Variants in TXN2 observed in about 807,000 individuals in gnomAD.
TXN2 encodes the protein thioredoxin, mitochondrial.
A neutral mutation model predicts 14.6 loss-of-function variants in TXN2; 12 were observed. That is an observed-to-expected ratio of 0.82 (90% CI 0.53 to 1.33). The LOEUF is 1.33. Among genes scored for constraint, TXN2 ranks in the 40% most tolerant of loss-of-function variants. The pLI, the probability that TXN2 is intolerant of heterozygous loss-of-function variation, is 0.00. For synonymous variants in TXN2, 89 were observed against 81.0 expected (o/e 1.10, Z -0.53); for missense variants, 173 against 207.7 (o/e 0.83, Z 1.03).
chr22:36,469,441 A>G (rs954483400), intron 3 of TXN2, among the ~76,000 whole-genome samples: 2 of 152,314 alleles, frequency 1.3e-5, no homozygotes, highest in African/African-American at 4.8e-5. Flanking sequence ...GCATGAGAGG[A>G]GAGGCTTGGC....
At chr22:36,475,882 G>T (rs1603488762) in intron 3 of TXN2, among the ~76,000 whole-genome samples, 1 of 152,134 alleles carries the variant, frequency 6.6e-6, no homozygotes, top group East Asian at 1.9e-4. Context: ...CTCCTCCTCT[G>T]CGCATCCCTC....
chr22:36,469,665 A>G (rs1603487481), intron 3 of TXN2, among the ~76,000 whole-genome samples: 1 of 152,184 alleles, frequency 6.6e-6, no homozygotes, highest in Non-Finnish European at 1.5e-5. Context: ...ATTTAAACAG[A>G]ACAAGATAGG....
At chr22:36,474,759 A>T (rs1424602003) in intron 3 of TXN2, among the ~76,000 whole-genome samples, 7 of 152,196 alleles carry the variant, frequency 4.6e-5, no homozygotes, top group Non-Finnish European at 4.4e-5. Context: ...CGCTACCTTC[A>T]GCATGGCTAT....
intron 3 of TXN2, among the ~76,000 whole-genome samples, chr22:36,470,662 C>G (rs1933254066): frequency 6.6e-6 from 1 of 151,916 alleles, no homozygotes; most frequent in African/African-American, 2.4e-5. Flanking sequence ...GGCACAAGCA[C>G]AGTGGCTCAC....
chr22:36,467,420 G>A lies in TXN2; in HGVS notation c.*384C>T, dbSNP rs369427625. On this transcript the variant is annotated 3_prime_UTR_variant, in exon 4 of 4. Transcript: ENST00000216185. ...CAAAACAGCAGCTGGAAAGAGAAAT[G>A]TAGGTGGCAGACGAGCCAGGCACGA... 1.2e-4 allele frequency: 24 copies of A among 199,690 alleles called. No individual in the cohort carries two copies. Among genetic ancestry groups the A allele is most frequent in the African/African-American group, 5.6e-4 (24 of 43,214 alleles). 12.4% of individuals were successfully genotyped at this position (199,690 alleles called of 1,614,324 possible). A position where few individuals can be genotyped will look rare whatever the true frequency, so the allele number is the denominator to read the frequency against.
intron 3 of TXN2, among the ~76,000 whole-genome samples, chr22:36,471,834 G>T (rs1933283150): frequency 6.6e-6 from 1 of 152,188 alleles, no homozygotes; most frequent in Admixed American, 6.5e-5. Context: ...GCCGGGCGTG[G>T]TGGCTCACGC....
At chr22:36,470,827 C>A (rs1206182746) in intron 3 of TXN2, among the ~76,000 whole-genome samples, 1 of 151,522 alleles carries the variant, frequency 6.6e-6, no homozygotes, top group Non-Finnish European at 1.5e-5. Context: ...AATGATCTCA[C>A]TCATGTAAAC....
chr22:36,473,029 G>A (rs563151021), intron 3 of TXN2, among the ~76,000 whole-genome samples: 2 of 152,176 alleles, frequency 1.3e-5, no homozygotes, highest in South Asian at 2.1e-4. Flanking sequence ...CTTGGTGGCC[G>A]GGCGCGGTGG....
intron 3 of TXN2, among the ~76,000 whole-genome samples, chr22:36,469,754 G>A (rs1444000327): frequency 2.0e-5 from 3 of 152,140 alleles, no homozygotes; most frequent in Non-Finnish European, 4.4e-5. Flanking sequence ...TCAGGAGTTC[G>A]AGACCAGCCT....
At chr22:36,480,417 C>T (rs772947971) in intron 2 of TXN2, among the ~76,000 whole-genome samples, 158 bp downstream of exon 2, 3 of 152,234 alleles carry the variant, frequency 2.0e-5, no homozygotes, top group Non-Finnish European at 4.4e-5. Flanking sequence ...TGTCTTCCAC[C>T]AGACTGCATT....
rs1052608806 is a variant in TXN2 at position 36,467,131 on chromosome 22, G to A, written c.*673C>T. On this transcript the variant is annotated 3_prime_UTR_variant, in exon 4 of 4. Transcript: ENST00000216185. ...AAACCAACGGGCCAGCTAAGGAGAG[G>A]AGGAGGCACCTTGAGACTTCCGGAG... 6.5e-6 allele frequency: 1 copy of A among 153,484 alleles called. No homozygotes were observed. Among genetic ancestry groups the A allele is most frequent in the African/African-American group, 2.4e-5 (1 of 41,450 alleles). 9.5% of individuals were successfully genotyped at this position (153,484 alleles called of 1,614,324 possible).
chr22:36,475,403 A>G (rs886905254), intron 3 of TXN2, among the ~76,000 whole-genome samples: 4 of 152,232 alleles, frequency 2.6e-5, no homozygotes, highest in Non-Finnish European at 5.9e-5. Context: ...CCTGCCTCAT[A>G]CGCAGTACTC....
chr22:36,480,812 C>G lies in TXN2; in HGVS notation c.26G>C (p.Arg9Thr). MAQRLLLR[R>T]FLASVISRKP... Reference sequence around the variant, plus strand: ...CCTGGAGATGACAGAGGCCAGGAACCTCCTCAGAAGAAGTCGCTGAGCCAT... The same window carrying G: ...CCTGGAGATGACAGAGGCCAGGAACGTCCTCAGAAGAAGTCGCTGAGCCAT... Residue 9 changes from arginine to threonine, a missense_variant, in exon 2 of 4, where the codon AGG becomes ACG. By Grantham distance (71) the Arg-to-Thr change is moderately conservative. Coordinates refer to ENST00000216185, the MANE Select transcript of TXN2 (RefSeq NM_012473.4). The G allele has an allele frequency of 6.3e-7, 1 of 1,599,446 alleles. No individual in the cohort carries two copies. Among genetic ancestry groups the G allele is most frequent in the South Asian group, 1.1e-5 (1 of 89,736 alleles).
chr22:36,467,882 ATTC>A lies in TXN2; in HGVS notation c.420_422del (p.Lys140del). 1 of 1,614,222 alleles carries A rather than the reference ATTC, an allele frequency of 6.2e-7. No individual in the cohort carries two copies. Among genetic ancestry groups the A allele is most frequent in the South Asian group, 1.1e-5 (1 of 91,074 alleles). On this transcript the variant is annotated inframe_deletion, in exon 4 of 4. Coordinates refer to ENST00000216185, the MANE Select transcript of TXN2 (RefSeq NM_012473.4). ...CCACAAACTTGTCCACCACGTCCCC[ATTC>A]TTCATGGCCAGCACAGTGGGCACCG...
In TXN2 at chr22:36,467,504, G is replaced by A. The variant is rs1250599186; in HGVS notation, c.*300C>T. ...AAGGTGTGGCTGCCTGACTAGGAAC[G>A]CTGTGGGCTGGCCCAGGCTCTCGCC... On this transcript the variant is annotated 3_prime_UTR_variant, in exon 4 of 4. Transcript: ENST00000216185. 1 of 353,614 alleles carries A rather than the reference G, an allele frequency of 2.8e-6. No homozygotes were observed. The highest frequency in any genetic ancestry group is 5.4e-6 in the Non-Finnish European group (1 of 186,744). The allele number at this position is 353,614 out of a possible 1,614,324, so 21.9% of individuals were successfully genotyped here.
At chr22:36,471,330 G>A (rs937977733) in intron 3 of TXN2, among the ~76,000 whole-genome samples, 9 of 152,112 alleles carry the variant, frequency 5.9e-5, no homozygotes, top group African/African-American at 1.9e-4. Flanking sequence ...GAGTGTGTAC[G>A]TGTGCGCAGT....
Position 36,467,200 on chromosome 22 carries a change from A to T in TXN2, c.*604T>A, listed in dbSNP as rs73169629. On this transcript the variant is annotated 3_prime_UTR_variant, in exon 4 of 4. Transcript: ENST00000216185. The stretch of plus-strand genomic sequence containing the variant: ...CCCCAGCCCATCAATCATTTTCTGC[A>T]CCCCCTGCCTGGGAGGCAGCTCCCT... The T allele has an allele frequency of 6.6e-6, 1 of 152,664 alleles. No individual in the cohort carries two copies. 9.5% of individuals were successfully genotyped at this position (152,664 alleles called of 1,614,324 possible). A position where few individuals can be genotyped will look rare whatever the true frequency, so the allele number is the denominator to read the frequency against.
rs780990961 is a variant in TXN2, at chr22:36,467,754, T to C, written c.*50A>G. On this transcript the variant is annotated 3_prime_UTR_variant, in exon 4 of 4. Coordinates refer to ENST00000216185, the MANE Select transcript of TXN2 (RefSeq NM_012473.4). ...GAAGGGCTGGCATGGAAGGGCTGAG[T>C]TCTATTGGGGTCCCACGCGGGCAAG... 1 of 1,493,392 alleles carries C rather than the reference T, an allele frequency of 6.7e-7. No homozygotes were observed. The highest frequency in any genetic ancestry group is 9.3e-7 in the Non-Finnish European group (1 of 1,072,284). The allele number at this position is 1,493,392 out of a possible 1,614,324, so 92.5% of individuals were successfully genotyped here.
chr22:36,467,879 C>A lies in TXN2; in HGVS notation c.426G>T (p.Gly142=). ...AVPTVLAMKN[G]DVVDKFVGIK... ...TGCCCACAAACTTGTCCACCACGTC[C>A]CCATTCTTCATGGCCAGCACAGTGG... Residue 142 remains glycine (G), a synonymous_variant, in exon 4 of 4, where the codon GGG becomes GGT. Transcript: ENST00000216185. The A allele has an allele frequency of 6.2e-7, 1 of 1,614,210 alleles. No homozygotes were observed. Among genetic ancestry groups the A allele is most frequent in the Non-Finnish European group, 8.5e-7 (1 of 1,180,028 alleles).
Sources: gnomAD v4.1 joint callset for allele counts (sites outside exome capture counted in the v4.1 genomes callset) on GRCh38, gnomAD v4.1.1 for gene constraint, MANE v1.5 for transcripts, NCBI Gene and HGNC (gene_info 2026-07-23, HGNC 2026-07-21) for gene names.